ABCA13: variants seen among roughly 807,000 people sequenced by gnomAD.
ABCA13 encodes the protein ATP binding cassette subfamily A member 13.
A neutral mutation model predicts 478.7 loss-of-function variants in ABCA13; 476 were observed. That is an observed-to-expected ratio of 0.99 (90% CI 0.92 to 1.07). The LOEUF (loss-of-function observed/expected upper bound fraction) is 1.07, where lower values mean the gene tolerates loss of function less well. ABCA13 is among the 50% of genes least tolerant of loss of function. The pLI, the probability that ABCA13 is intolerant of heterozygous loss-of-function variation, is 0.00. For synonymous variants in ABCA13, 2,252 were observed against 2,158.9 expected (o/e 1.04, Z -1.20); for missense variants, 6,060 against 5,910.6 (o/e 1.03, Z -0.83).
In ABCA13 at chr7:48,476,166, G is replaced by A. The variant is rs151051933; in HGVS notation, c.12975+4567G>A. On this transcript the variant is annotated intron_variant, in intron 45 of 61. Coordinates refer to ENST00000435803, the MANE Select transcript of ABCA13 (RefSeq NM_152701.5). ...ATTAAGGTGTCTGAAGACTCTTGAGGACAATCTGTCCTTTTCCTCCTCCAG... is the reference window on the plus strand; with the variant it reads ...ATTAAGGTGTCTGAAGACTCTTGAGAACAATCTGTCCTTTTCCTCCTCCAG... Among the ~76,000 whole-genome samples the A allele has an allele frequency of 4.3e-3, 656 of 152,298 alleles. 7 individuals are homozygous for A. Among genetic ancestry groups the A allele is most frequent in the African/African-American group, 0.015 (610 of 41,554 alleles).
At chr7:48,173,850 G>A (rs1266512654) in intron 1 of ABCA13, among the ~76,000 whole-genome samples, 1 of 152,198 alleles carries the variant, frequency 6.6e-6, no homozygotes, top group Non-Finnish European at 1.5e-5. Context: ...ACAGTACCTG[G>A]TATAGGAGTG....
intron 43 of ABCA13, among the ~76,000 whole-genome samples, chr7:48,463,362 G>A (rs1337937730): frequency 6.6e-6 from 1 of 152,136 alleles, no homozygotes; most frequent in Non-Finnish European, 1.5e-5. Flanking sequence ...TTTTTTCAGG[G>A]AGGTGGGGAC....
At chr7:48,448,733 T>C (rs767911218) in intron 42 of ABCA13, among the ~76,000 whole-genome samples, 23 of 152,228 alleles carry the variant, frequency 1.5e-4, no homozygotes, top group Non-Finnish European at 2.9e-4. Context: ...TTGATAATTA[T>C]GAGATTATCA....
chr7:48,304,844 C>CT (rs1800671984), intron 23 of ABCA13, among the ~76,000 whole-genome samples: 1 of 152,210 alleles, frequency 6.6e-6, no homozygotes, highest in Admixed American at 6.5e-5. Flanking sequence ...TGGCACTGCC[C>CT]TAGAGGCCAG....
rs559830618 is a variant in ABCA13, at chr7:48,227,155, C to T, written c.469-107C>T. The T allele has an allele frequency of 2.8e-5, 30 of 1,054,744 alleles. No homozygotes were observed. The African/African-American group carries it at 4.0e-4, about 14-fold the overall frequency. 65.3% of individuals were successfully genotyped at this position (1,054,744 alleles called of 1,614,324 possible). A position where few individuals can be genotyped will look rare whatever the true frequency, so the allele number is the denominator to read the frequency against. ...GTGATATATTAAGTGTGAGTTTCTA[C>T]TAGGAGAATGTCTACAATTTTGCAC... On this transcript the variant is annotated intron_variant, in intron 5 of 61. Coordinates refer to ENST00000435803, the MANE Select transcript of ABCA13 (RefSeq NM_152701.5).
intron 1 of ABCA13, among the ~76,000 whole-genome samples, chr7:48,187,411 T>G (rs533506384): frequency 9.9e-5 from 15 of 152,024 alleles, no homozygotes; most frequent in Middle Eastern, 6.8e-3. Flanking sequence ...AGTCTGCAGA[T>G]GAAATCTTCT....
rs1796101598 is a variant in ABCA13, at chr7:48,274,960, T to G, written c.5294T>G (p.Ile1765Ser). The stretch of plus-strand genomic sequence containing the variant: ...CTGCAGGGAGTACCTGGTAAAAACA[T>G]CACTGAAGGCCTCAAGGATGTCTAC... ...RLLQGVPGKN[I>S]TEGLKDVYSF... Residue 1765 changes from isoleucine (I) to serine (S), a missense_variant, in exon 17 of 62, where the codon ATC (isoleucine) becomes AGC (serine). By Grantham distance (142) the Ile-to-Ser change is moderately radical. Around this residue, in one of 3 missense-constraint regions of ABCA13, gnomAD observed 4,423 missense variants for 4,309.1 expected, o/e 1.03. Transcript: ENST00000435803. 4 of 1,613,722 alleles carry G rather than the reference T, an allele frequency of 2.5e-6. No homozygotes were observed. The South Asian group carries it at 4.4e-5, about 18-fold the overall frequency.
intron 57 of ABCA13, among the ~76,000 whole-genome samples, chr7:48,588,072 T>G (rs1241241101): frequency 2.0e-5 from 3 of 152,160 alleles, no homozygotes; most frequent in Non-Finnish European, 4.4e-5. Context: ...TCTTTCTTCA[T>G]CAAATGAATA....
intron 59 of ABCA13, among the ~76,000 whole-genome samples, chr7:48,636,078 A>G (rs993363173): frequency 6.6e-6 from 1 of 152,062 alleles, no homozygotes; most frequent in African/African-American, 2.4e-5. Flanking sequence ...GTCTAGTTCT[A>G]TTGTTTTTGA....
intron 34 of ABCA13, among the ~76,000 whole-genome samples, chr7:48,375,877 G>C (rs1813401118): frequency 6.6e-6 from 1 of 152,078 alleles, no homozygotes; most frequent in South Asian, 2.1e-4. Context: ...TAAATTCCAA[G>C]TACACAATGA....
rs148179816 is a variant in ABCA13, at chr7:48,416,670, G to T, written c.12459+4087G>T. On this transcript the variant is annotated intron_variant, in intron 41 of 61. Coordinates refer to ENST00000435803, the MANE Select transcript of ABCA13 (RefSeq NM_152701.5). ...GGAGAGTGCCCCGGGACCAAGGGAA[G>T]CCTCCTGCAGGCGCTCCCAGAGGAC... Among the ~76,000 whole-genome samples, 66 of 152,206 alleles carry T rather than the reference G, an allele frequency of 4.3e-4. 1 individual carries two copies. In the East Asian group the frequency reaches 8.2e-3, roughly 19 times the overall value.
chr7:48,422,065 A>G (rs1394015759), intron 41 of ABCA13, among the ~76,000 whole-genome samples: 1 of 60,716 alleles, frequency 1.6e-5, no homozygotes, highest in African/African-American at 9.4e-5. Context: ...CAAAAAAAAA[A>G]AAAAAAAAAA....
chr7:48,215,523 G>A (rs1243398054), intron 3 of ABCA13, among the ~76,000 whole-genome samples: 1 of 152,096 alleles, frequency 6.6e-6, no homozygotes, highest in Admixed American at 6.5e-5. Context: ...TTGGAGAAAT[G>A]GCATTGATAG....
At chr7:48,543,057 C>T (rs555986893) in intron 55 of ABCA13, among the ~76,000 whole-genome samples, 15 of 151,720 alleles carry the variant, frequency 9.9e-5, no homozygotes, top group African/African-American at 3.4e-4. Context: ...CAAAATTTTC[C>T]TGAGATTGGT....
At chr7:48,192,667 G>A (rs555767927) in intron 1 of ABCA13, among the ~76,000 whole-genome samples, 125 of 152,208 alleles carry the variant, frequency 8.2e-4, no homozygotes, top group Non-Finnish European at 1.5e-3. Flanking sequence ...AAATACGGGT[G>A]AAGTTATTTA....
chr7:48,346,102 T>C (rs1808055444), intron 29 of ABCA13, among the ~76,000 whole-genome samples: 1 of 152,184 alleles, frequency 6.6e-6, no homozygotes, highest in Admixed American at 6.5e-5. Flanking sequence ...CCATCTAGGA[T>C]TGTGTAAGTC....
In ABCA13 at chr7:48,239,233, G is replaced by T. The variant is rs1194348830; in HGVS notation, c.898-8G>T. 1 of 1,613,400 alleles carries T rather than the reference G, an allele frequency of 6.2e-7. No homozygotes were observed. Among genetic ancestry groups the T allele is most frequent in the Non-Finnish European group, 8.5e-7 (1 of 1,179,602 alleles). On this transcript the variant is annotated splice_polypyrimidine_tract_variant and splice_region_variant and intron_variant, in intron 8 of 61. Coordinates refer to ENST00000435803, the MANE Select transcript of ABCA13 (RefSeq NM_152701.5). ...TTATGTCTAAATATTTTTTCATATT[G>T]TTGTCAGATTCCCACAGACACTTCC... is the stretch of plus-strand genomic sequence containing the variant.
chr7:48,277,579 A>T (rs898194703), intron 17 of ABCA13, among the ~76,000 whole-genome samples: 1 of 152,206 alleles, frequency 6.6e-6, no homozygotes, highest in East Asian at 1.9e-4. Context: ...TCTATCCTAG[A>T]ACTCTCATGA....
At chr7:48,405,524 C>T (rs770150195) in intron 39 of ABCA13, among the ~76,000 whole-genome samples, 3 of 152,204 alleles carry the variant, frequency 2.0e-5, no homozygotes, top group East Asian at 1.9e-4. Context: ...TGAGATGCAA[C>T]GATTTAAACT....
Sources: allele counts gnomAD v4.1 joint callset (sites outside exome capture counted in the v4.1 genomes callset), GRCh38; gene constraint gnomAD v4.1.1; regional missense constraint gnomAD v4.1.1; transcripts MANE v1.5; gene names NCBI Gene and HGNC (gene_info 2026-07-23, HGNC 2026-07-21).